DSE: variants seen among roughly 807,000 people sequenced by gnomAD.
The protein encoded by DSE is dermatan sulfate epimerase, also known as dermatan-sulfate epimerase.
Under a neutral mutation model 84.4 loss-of-function variants are expected in DSE, and 36 were observed. The observed-to-expected ratio is 0.43, with a 90% CI of 0.33 to 0.56. The LOEUF (loss-of-function observed/expected upper bound fraction) is 0.56, where lower values mean the gene tolerates loss of function less well. Ranked by LOEUF, DSE falls within the 20% of genes least tolerant of loss-of-function variation. The pLI is 0.06. For synonymous variants in DSE, 410 were observed against 430.1 expected, an observed-to-expected ratio of 0.95 and a Z score of 0.58; for missense variants, 862 against 1,169.6, an observed-to-expected ratio of 0.74 and a Z score of 3.84.
At chr6:116,328,464 G>A (rs982437623) in intron 2 of DSE, among the ~76,000 whole-genome samples, 5 of 152,202 alleles carry the variant, frequency 3.3e-5, no homozygotes, top group Admixed American at 2.0e-4. Flanking sequence ...TTTGAGATGG[G>A]GTGCGAAGAG....
At chr6:116,284,493 G>T (rs905481711) in intron 2 of DSE, among the ~76,000 whole-genome samples, 4 of 152,078 alleles carry the variant, frequency 2.6e-5, no homozygotes, top group African/African-American at 9.7e-5. Flanking sequence ...CTGAACAAGT[G>T]TGAACTCACT....
At position 116,299,537 on chromosome 6, in the gene DSE, TATATATATATATATACAC is replaced by T. The variant is rs1159659951; in HGVS notation, c.-54+40574_-54+40591del. On this transcript the variant is annotated intron_variant, in intron 2 of 3. Coordinates refer to the DSE transcript ENST00000430252. The stretch of plus-strand genomic sequence containing the variant: ...ATATATATATATATATATATATATA[TATATATATATATATACAC>T]ATACACACACACACACACATACATA... Among the ~76,000 whole-genome samples the T allele has an allele frequency of 4.4e-3, 117 of 26,644 alleles. 10 individuals are homozygous for T. The highest frequency in any genetic ancestry group is 0.021 in the African/African-American group (88 of 4,128). 17.5% of individuals were successfully genotyped at this position (26,644 alleles called of 152,430 possible).
intron 2 of DSE, chr6:116,355,771 A>G (rs906283755): frequency 6.6e-6 from 1 of 152,246 alleles, no homozygotes; most frequent in African/African-American, 2.4e-5. Context: ...ATCTATAACT[A>G]CAGCTGCAGC....
chr6:116,391,356 C>T (rs1406100392), intron 1 of DSE, among the ~76,000 whole-genome samples: 1 of 152,154 alleles, frequency 6.6e-6, no homozygotes, highest in Non-Finnish European at 1.5e-5. Flanking sequence ...TTTCTAATTA[C>T]TCCTTCAGCA....
chr6:116,423,363 G>A (rs542784616), intron 2 of DSE, among the ~76,000 whole-genome samples: 42 of 93,914 alleles, frequency 4.5e-4, no homozygotes, highest in African/African-American at 1.3e-3. Flanking sequence ...AGGCTTCTGC[G>A]TTCCCTCACA....
At chr6:116,406,680 G>A (rs765424058) in intron 2 of DSE, among the ~76,000 whole-genome samples, 2 of 152,162 alleles carry the variant, frequency 1.3e-5, no homozygotes, top group Non-Finnish European at 2.9e-5. Context: ...TTTACCTTAG[G>A]TATCTTAAGA....
intron 2 of DSE, among the ~76,000 whole-genome samples, chr6:116,310,135 G>A (rs1775600299): frequency 6.6e-6 from 1 of 152,102 alleles, no homozygotes; most frequent in Non-Finnish European, 1.5e-5. Flanking sequence ...AGTTGAGGAA[G>A]CCACAGGTCA....
chr6:116,353,807 T>C (rs1206261026), intron 2 of DSE, among the ~76,000 whole-genome samples: 1 of 152,198 alleles, frequency 6.6e-6, no homozygotes, highest in African/African-American at 2.4e-5. Context: ...TGATGAGAGA[T>C]TGTCTATAAA....
At chr6:116,433,245 T>C in intron 4 of DSE, 98 bp from the exon 5 acceptor site, 1 of 1,172,488 alleles carries the variant, frequency 8.5e-7, no homozygotes, top group Non-Finnish European at 1.2e-6. Flanking sequence ...CATTACACAA[T>C]TCTAATTTGC....
At chr6:116,326,090 C>A (rs1488251793) in intron 2 of DSE, among the ~76,000 whole-genome samples, 1 of 152,116 alleles carries the variant, frequency 6.6e-6, no homozygotes, top group East Asian at 1.9e-4. Flanking sequence ...AACTACCAGG[C>A]CCAGGGTGTG....
intron 2 of DSE, among the ~76,000 whole-genome samples, chr6:116,295,716 T>G (rs1327460677): frequency 6.6e-6 from 1 of 152,208 alleles, no homozygotes; most frequent in Non-Finnish European, 1.5e-5. Context: ...TCTTAATTTA[T>G]AGTTTAAGTA....
intron 1 of DSE, among the ~76,000 whole-genome samples, chr6:116,396,427 G>A (rs1202739732): frequency 1.3e-5 from 2 of 152,114 alleles, no homozygotes; most frequent in Non-Finnish European, 2.9e-5. Flanking sequence ...AGAATGCCAC[G>A]GTTCTTTCTC....
At chr6:116,431,839 C>T (rs1428997718) in intron 4 of DSE, among the ~76,000 whole-genome samples, 5 of 151,910 alleles carry the variant, frequency 3.3e-5, no homozygotes, top group Admixed American at 3.3e-4. Context: ...ACTTTGTAAC[C>T]TTTTTTTATT....
At position 116,442,330 on chromosome 6, in the gene DSE, G is replaced by C. The variant is rs1259049388; in HGVS notation, c.*4985G>C. 2 of 152,236 alleles carry C rather than the reference G, an allele frequency of 1.3e-5. No homozygotes were observed. The highest frequency in any genetic ancestry group is 4.8e-5 in the African/African-American group (2 of 41,414). The allele number at this position is 152,236 out of a possible 1,614,324, so 9.4% of individuals were successfully genotyped here. A position where few individuals can be genotyped will look rare whatever the true frequency, so the allele number is the denominator to read the frequency against. ...AGTCAGTTGCAATGAACTGAGATGT[G>C]GCTGACTGCAGGAGGAATAAGTAGT... On this transcript the variant is annotated 3_prime_UTR_variant, in exon 6 of 6. Coordinates refer to ENST00000644252, the MANE Select transcript of DSE (RefSeq NM_013352.4).
chr6:116,433,680 G>A (rs1783980973), intron 5 of DSE, 130 bp downstream of exon 5: 5 of 926,120 alleles, frequency 5.4e-6, no homozygotes, highest in South Asian at 1.8e-5. Flanking sequence ...TGCCACCTGA[G>A]TATATGAAGT....
chr6:116,395,553 A>G (rs1173767824), intron 1 of DSE, among the ~76,000 whole-genome samples: 2 of 152,170 alleles, frequency 1.3e-5, no homozygotes, highest in East Asian at 1.9e-4. Flanking sequence ...ACCTTCAACA[A>G]TTTTTGCCAT....
At chr6:116,265,284 T>C (rs1053071443) in intron 2 of DSE, among the ~76,000 whole-genome samples, 6 of 152,208 alleles carry the variant, frequency 3.9e-5, no homozygotes, top group South Asian at 2.1e-4. Context: ...TTCTGTGCCC[T>C]GCAAGCAGGA....
At chr6:116,304,071 C>T (rs1046615382) in intron 2 of DSE, among the ~76,000 whole-genome samples, 1 of 150,052 alleles carries the variant, frequency 6.7e-6, no homozygotes, top group African/African-American at 2.5e-5. Flanking sequence ...TGCAGTGAAC[C>T]GAGGTTGCAC....
chr6:116,286,921 G>A (rs987807849), intron 2 of DSE, among the ~76,000 whole-genome samples: 11 of 152,106 alleles, frequency 7.2e-5, no homozygotes, highest in Non-Finnish European at 1.6e-4. Context: ...TCTTAAATCA[G>A]GATGTGTCTT....
Sources: allele counts gnomAD v4.1 joint callset (sites outside exome capture counted in the v4.1 genomes callset), GRCh38; gene constraint gnomAD v4.1.1; transcripts MANE v1.5; gene names NCBI Gene and HGNC (gene_info 2026-07-23, HGNC 2026-07-21).